TRAPPC9: variants seen among roughly 807,000 people sequenced by gnomAD.
TRAPPC9 encodes IKK2 binding protein.
TRAPPC9 carries 83 observed loss-of-function variants against 124.0 expected under a neutral mutation model. The observed-to-expected ratio is 0.67, with a 90% confidence interval of 0.56 to 0.80. TRAPPC9 has a LOEUF of 0.80. TRAPPC9 is among the 30% of genes least tolerant of loss of function. The pLI is 0.00. For synonymous variants in TRAPPC9, 638 were observed against 617.5 expected, an observed-to-expected ratio of 1.03 and a Z score of -0.49; for missense variants, 1,302 against 1,508.3, an observed-to-expected ratio of 0.86 and a Z score of 2.27.
intron 19 of TRAPPC9, among the ~76,000 whole-genome samples, chr8:139,956,810 C>T (rs977691114): frequency 1.3e-5 from 2 of 152,212 alleles, no homozygotes; most frequent in African/African-American, 4.8e-5. Flanking sequence ...TGGCCTCCCA[C>T]ACCCTGGAGG....
At chr8:139,851,234 G>T (rs1827428837) in intron 21 of TRAPPC9, among the ~76,000 whole-genome samples, 1 of 152,178 alleles carries the variant, frequency 6.6e-6, no homozygotes, top group South Asian at 2.1e-4. Flanking sequence ...AGTATATCAG[G>T]GTCAGGGAAC....
intron 9 of TRAPPC9, among the ~76,000 whole-genome samples, chr8:140,338,006 A>T (rs1302405759): frequency 1.3e-5 from 2 of 152,186 alleles, no homozygotes; most frequent in Admixed American, 6.5e-5. Flanking sequence ...GAACGTTCTA[A>T]AGAGGGCCTC....
intron 20 of TRAPPC9, among the ~76,000 whole-genome samples, chr8:139,909,900 A>T (rs1444287905): frequency 2.0e-5 from 3 of 152,188 alleles, no homozygotes; most frequent in Admixed American, 1.3e-4. Flanking sequence ...TGTGATCCAA[A>T]GACGAGAGCA....
intron 16 of TRAPPC9, among the ~76,000 whole-genome samples, chr8:140,228,286 A>T (rs2131358736): frequency 6.6e-6 from 1 of 152,356 alleles, no homozygotes. Flanking sequence ...TTCCAGGTAG[A>T]ATATATTTTA....
intron 21 of TRAPPC9, among the ~76,000 whole-genome samples, chr8:139,867,210 G>A (rs916316098): frequency 5.3e-5 from 8 of 152,188 alleles, no homozygotes; most frequent in Non-Finnish European, 1.5e-5. Context: ...TGTTTGAGAT[G>A]AACCTGGAAT....
intron 17 of TRAPPC9, among the ~76,000 whole-genome samples, chr8:140,126,923 T>C (rs2061109649): frequency 6.6e-6 from 1 of 152,206 alleles, no homozygotes; most frequent in Admixed American, 6.5e-5. Context: ...CTGACAGCCA[T>C]GAGCTCTCAT....
At chr8:140,136,359 G>A (rs927347969) in intron 17 of TRAPPC9, among the ~76,000 whole-genome samples, 1 of 152,150 alleles carries the variant, frequency 6.6e-6, no homozygotes, top group African/African-American at 2.4e-5. Context: ...CCGGCTGCCT[G>A]GCAGGCACAA....
chr8:140,132,952 T>C (rs2061233336), intron 17 of TRAPPC9, among the ~76,000 whole-genome samples: 1 of 152,212 alleles, frequency 6.6e-6, no homozygotes, highest in Non-Finnish European at 1.5e-5. Context: ...AGTCAAGGAC[T>C]AGATGGCTTC....
intron 21 of TRAPPC9, among the ~76,000 whole-genome samples, chr8:139,808,474 A>G (rs1383300321): frequency 6.6e-6 from 1 of 152,222 alleles, no homozygotes; most frequent in Non-Finnish European, 1.5e-5. Flanking sequence ...AAAATAAAGT[A>G]TACAATTCAG....
At chr8:139,778,803 G>A (rs1366128317) in intron 21 of TRAPPC9, among the ~76,000 whole-genome samples, 1 of 152,134 alleles carries the variant, frequency 6.6e-6, no homozygotes, top group Non-Finnish European at 1.5e-5. Context: ...GAACACAGCT[G>A]TAACTGGAGA....
At chr8:139,905,024 A>T (rs1236259739) in intron 20 of TRAPPC9, 1 of 152,232 alleles carries the variant, frequency 6.6e-6, no homozygotes, top group Non-Finnish European at 1.5e-5. Flanking sequence ...GTTCAGTAAA[A>T]TTGTCCAGTA....
intron 5 of TRAPPC9, among the ~76,000 whole-genome samples, chr8:140,418,723 A>AAGATAGATAGAT (rs530951569): frequency 2.7e-3 from 386 of 141,326 alleles, no homozygotes; most frequent in Middle Eastern, 7.4e-3. Flanking sequence ...CCATCTCAAA[A>AAGATAGATAGAT]AGATAGATAG....
chr8:140,410,638 T>G (rs952417011), intron 5 of TRAPPC9, among the ~76,000 whole-genome samples: 3 of 151,996 alleles, frequency 2.0e-5, no homozygotes, highest in Non-Finnish European at 4.4e-5. Flanking sequence ...GGTCAGGAGA[T>G]CAAAACCATC....
At chr8:139,935,465 C>T (rs1183411930) in intron 19 of TRAPPC9, among the ~76,000 whole-genome samples, 2 of 152,136 alleles carry the variant, frequency 1.3e-5, no homozygotes, top group Non-Finnish European at 2.9e-5. Flanking sequence ...GAATGGACTG[C>T]GTGTGCAGAC....
At chr8:140,042,636 C>T (rs1312902105) in intron 17 of TRAPPC9, among the ~76,000 whole-genome samples, 1 of 152,224 alleles carries the variant, frequency 6.6e-6, no homozygotes. Context: ...CTCCACGGCC[C>T]TGTGGAGTGT....
At chr8:140,428,228 A>T (rs2070498201) in intron 4 of TRAPPC9, among the ~76,000 whole-genome samples, 1 of 152,226 alleles carries the variant, frequency 6.6e-6, no homozygotes. Flanking sequence ...ATCATCAATC[A>T]TTTGACTATT....
chr8:140,045,650 A>AACC (rs1554614218), intron 17 of TRAPPC9, among the ~76,000 whole-genome samples: 1 of 111,540 alleles, frequency 9.0e-6, no homozygotes, highest in South Asian at 3.0e-4. Flanking sequence ...AAAAAAAAAA[A>AACC]AAAAAAAAAC....
chr8:139,935,408 GA>G (rs1345091485), intron 19 of TRAPPC9, among the ~76,000 whole-genome samples: 1 of 152,090 alleles, frequency 6.6e-6, no homozygotes, highest in African/African-American at 2.4e-5. Flanking sequence ...TATAAAATAA[GA>G]AAAAACGTCT....
chr8:140,302,621 C>A (rs1385976811), intron 10 of TRAPPC9: 1 of 152,196 alleles, frequency 6.6e-6, no homozygotes, highest in Non-Finnish European at 1.5e-5. Flanking sequence ...CACCGCAGAG[C>A]GCTGATCAGG....
Sources: gnomAD v4.1 joint callset for allele counts (sites outside exome capture counted in the v4.1 genomes callset) on GRCh38, gnomAD v4.1.1 for gene constraint, MANE v1.5 for transcripts, NCBI Gene and HGNC (gene_info 2026-07-23, HGNC 2026-07-21) for gene names.